Variants in ASAP1 observed in about 807,000 individuals in gnomAD.
The protein encoded by ASAP1 is ArfGAP with SH3 domain, ankyrin repeat and PH domain 1.
ASAP1 carries 43 observed loss-of-function variants against 145.2 expected under a neutral mutation model. The observed-to-expected ratio is 0.30, with a 90% CI of 0.23 to 0.38. The LOEUF (loss-of-function observed/expected upper bound fraction) is 0.38. Ranked by LOEUF, ASAP1 falls within the 10% of genes least tolerant of loss-of-function variation. ASAP1 has a pLI of 1.00. For missense variants in ASAP1, 1,018 were observed against 1,355.3 expected (o/e 0.75, Z 3.91); for synonymous variants, 546 against 515.5 (o/e 1.06, Z -0.80).
intron 24 of ASAP1, among the ~76,000 whole-genome samples, chr8:130,111,887 C>T (rs2097547500): frequency 6.6e-6 from 1 of 152,178 alleles, no homozygotes; most frequent in South Asian, 2.1e-4. Flanking sequence ...AAATAATGCA[C>T]AAAGAGAGCC....
intron 3 of ASAP1, among the ~76,000 whole-genome samples, chr8:130,317,852 T>C (rs1027827914): frequency 6.6e-6 from 1 of 152,136 alleles, no homozygotes; most frequent in Non-Finnish European, 1.5e-5. Flanking sequence ...AGCTGAGACC[T>C]GATACAGCAG....
chr8:130,398,274 C>T lies in ASAP1; in HGVS notation c.59+3611G>A, dbSNP rs1185822661. 3.9e-5 allele frequency among the ~76,000 whole-genome samples: 6 copies of T among 152,206 alleles called. No homozygotes were observed. In the East Asian group the frequency reaches 7.7e-4, roughly 20 times the overall value. ...AACCTGCCTTATGCTTCCTTCAAGTCGCTATCCCCTACCCACCCAAGGGTA... is the reference window on the plus strand; with the variant it reads ...AACCTGCCTTATGCTTCCTTCAAGTTGCTATCCCCTACCCACCCAAGGGTA... On this transcript the variant is annotated intron_variant, in intron 2 of 29. Transcript: ENST00000518721.
chr8:130,387,992 GA>G (rs1828101874), intron 2 of ASAP1, among the ~76,000 whole-genome samples: 2 of 152,210 alleles, frequency 1.3e-5, no homozygotes, highest in African/African-American at 4.8e-5. Context: ...CTGCTAGGAA[GA>G]AAACATACGG....
At chr8:130,370,158 C>T (rs1392491909) in intron 2 of ASAP1, among the ~76,000 whole-genome samples, 1 of 152,082 alleles carries the variant, frequency 6.6e-6, no homozygotes, top group Non-Finnish European at 1.5e-5. Flanking sequence ...AAAAATTACC[C>T]AAGCATGGTG....
intron 3 of ASAP1, among the ~76,000 whole-genome samples, chr8:130,287,495 C>T (rs867153501): frequency 6.6e-6 from 1 of 152,090 alleles, no homozygotes; most frequent in African/African-American, 2.4e-5. Context: ...GAGAAGTAAA[C>T]TGATTTTTGG....
intron 3 of ASAP1, among the ~76,000 whole-genome samples, chr8:130,345,822 CA>C (rs1360406563): frequency 6.6e-6 from 1 of 152,196 alleles, no homozygotes; most frequent in African/African-American, 2.4e-5. Context: ...AGCTGGTACT[CA>C]AAAAGTGACA....
At chr8:130,240,409 T>A (rs1818453210) in intron 3 of ASAP1, among the ~76,000 whole-genome samples, 2 of 152,076 alleles carry the variant, frequency 1.3e-5, no homozygotes, top group South Asian at 4.1e-4. Flanking sequence ...TGTCCTTCAA[T>A]CAAACAAGGC....
In ASAP1 at chr8:130,124,094, T is replaced by C. The variant is rs147030527; in HGVS notation, c.1526A>G (p.Asn509Ser). ...ATCATTAAAACTATTGTTTCCTACATTCTTGGCCAGCTGTAACAGAAAAAA... is the reference window on the plus strand; with the variant it reads ...ATCATTAAAACTATTGTTTCCTACACTCTTGGCCAGCTGTAACAGAAAAAA... ...LGTSELLLAK[N>S]VGNNSFNDIM... Residue 509 changes from asparagine to serine, a missense_variant, in exon 18 of 30, where the codon AAT becomes AGT. By Grantham distance (46) the Asn-to-Ser change is conservative (BLOSUM62 1). Coordinates refer to ENST00000518721, the MANE Select transcript of ASAP1 (RefSeq NM_018482.4). The C allele has an allele frequency of 9.7e-5, 155 of 1,602,934 alleles. No individual in the cohort carries two copies. In the African/African-American group the frequency reaches 2.0e-3, roughly 20 times the overall value.
At chr8:130,183,595 G>T (rs1475579424) in intron 7 of ASAP1, among the ~76,000 whole-genome samples, 2 of 152,058 alleles carry the variant, frequency 1.3e-5, no homozygotes, top group African/African-American at 4.8e-5. Context: ...GCCCACCTTG[G>T]TTTCCCAAAG....
At chr8:130,132,301 AG>A (rs916019786) in intron 15 of ASAP1, among the ~76,000 whole-genome samples, 1 of 152,228 alleles carries the variant, frequency 6.6e-6, no homozygotes, top group Non-Finnish European at 1.5e-5. Context: ...TATTATAAAT[AG>A]TACCTCTCTG....
intron 2 of ASAP1, among the ~76,000 whole-genome samples, chr8:130,379,503 T>A (rs753950630): frequency 8.6e-5 from 13 of 151,870 alleles, no homozygotes; most frequent in Non-Finnish European, 1.6e-4. Flanking sequence ...GACTGGCATC[T>A]GAAGTGGGAG....
intron 5 of ASAP1, among the ~76,000 whole-genome samples, chr8:130,199,348 G>A (rs1191549808): frequency 9.2e-5 from 14 of 152,172 alleles, no homozygotes; most frequent in African/African-American, 3.1e-4. Flanking sequence ...AAATCAGAAG[G>A]ACTGCTCTGA....
chr8:130,430,592 G>GT (rs1830102541), intron 1 of ASAP1, among the ~76,000 whole-genome samples: 2 of 152,182 alleles, frequency 1.3e-5, no homozygotes, highest in Admixed American at 1.3e-4. Context: ...CCAATCTGAA[G>GT]TTTTAAGGAG....
intron 4 of ASAP1, among the ~76,000 whole-genome samples, chr8:130,220,576 C>A (rs1817231108): frequency 6.6e-6 from 1 of 152,146 alleles, no homozygotes; most frequent in South Asian, 2.1e-4. Context: ...GTGGTTCATA[C>A]CTGTAATCCC....
chr8:130,239,887 C>T (rs192946443), intron 3 of ASAP1, among the ~76,000 whole-genome samples: 1 of 152,252 alleles, frequency 6.6e-6, no homozygotes, highest in East Asian at 1.9e-4. Flanking sequence ...GCTTTTTCAA[C>T]CATGCCATCT....
At chr8:130,268,596 T>C (rs926272391) in intron 3 of ASAP1, among the ~76,000 whole-genome samples, 2 of 151,248 alleles carry the variant, frequency 1.3e-5, no homozygotes, top group African/African-American at 4.9e-5. Flanking sequence ...AAATTCAACA[T>C]GGCATGTATT....
chr8:130,347,145 T>C (rs1360160952), intron 3 of ASAP1, among the ~76,000 whole-genome samples: 1 of 152,260 alleles, frequency 6.6e-6, no homozygotes, highest in Admixed American at 6.5e-5. Context: ...CCATCCATCC[T>C]GGATATCTAC....
intron 4 of ASAP1, 144 bp downstream of exon 4, chr8:130,236,778 G>A: frequency 1.8e-6 from 1 of 562,772 alleles, no homozygotes; most frequent in Non-Finnish European, 3.0e-6. Context: ...GTCGAGATAA[G>A]AGAAAAAAAG....
intron 16 of ASAP1, among the ~76,000 whole-genome samples, chr8:130,127,220 TC>T (rs1393870484): frequency 6.6e-6 from 1 of 152,104 alleles, no homozygotes; most frequent in Admixed American, 6.5e-5. Context: ...ATGCACCATT[TC>T]TTTTTTCTTT....
Sources: allele counts gnomAD v4.1 joint callset (sites outside exome capture counted in the v4.1 genomes callset), GRCh38; gene constraint gnomAD v4.1.1; transcripts MANE v1.5; gene names NCBI Gene and HGNC (gene_info 2026-07-23, HGNC 2026-07-21).